The following COL27A1 variants were observed in gnomAD, a reference collection of about 807,000 sequenced individuals.
COL27A1 encodes the protein collagen alpha-1(XXVII) chain.
Under a neutral mutation model 251.3 loss-of-function variants are expected in COL27A1, and 106 were observed. The ratio of observed to expected loss-of-function variants is 0.42; its 90% confidence interval spans 0.36 to 0.50. The LOEUF (loss-of-function observed/expected upper bound fraction) is 0.50, where lower values mean the gene tolerates loss of function less well. Among genes scored for constraint, COL27A1 ranks in the 20% least tolerant of loss-of-function variants. COL27A1 has a pLI of 0.00. For synonymous variants in COL27A1, 1,000 were observed against 986.3 expected (o/e 1.01, Z -0.26); for missense variants, 2,325 against 2,522.8 (o/e 0.92, Z 1.68).
At chr9:114,263,664 G>C (rs1834516542) in intron 28 of COL27A1, among the ~76,000 whole-genome samples, 1 of 152,102 alleles carries the variant, frequency 6.6e-6, no homozygotes, top group Non-Finnish European at 1.5e-5. Flanking sequence ...GGGGATGGGG[G>C]TGGACTCCAC....
intron 12 of COL27A1, chr9:114,218,092 G>T: frequency 3.3e-6 from 1 of 299,422 alleles, no homozygotes; most frequent in South Asian, 3.0e-5. Context: ...GGATGACAGA[G>T]TGAGACCCTG....
intron 40 of COL27A1, 55 bp from the exon 41 acceptor site, chr9:114,284,669 C>G (rs1046119878): frequency 2.6e-5 from 41 of 1,583,488 alleles, no homozygotes; most frequent in Non-Finnish European, 3.3e-5. Flanking sequence ...GAGTCCATGT[C>G]CTTTGTCCTT....
chr9:114,205,256 G>A, intron 8 of COL27A1, 110 bp downstream of exon 8: 1 of 1,042,132 alleles, frequency 9.6e-7, no homozygotes, highest in Non-Finnish European at 1.4e-6. Flanking sequence ...CCAGAGCCAG[G>A]CTGTTTTGCC....
At chr9:114,301,188 C>T (rs1381507757) in intron 52 of COL27A1, 63 bp downstream of exon 52, 1 of 1,610,482 alleles carries the variant, frequency 6.2e-7, no homozygotes, top group African/African-American at 1.3e-5. Context: ...TCCAGATTGT[C>T]TCTGTGACTC....
At chr9:114,259,836 C>T (rs1054725878) in intron 28 of COL27A1, among the ~76,000 whole-genome samples, 23 of 152,284 alleles carry the variant, frequency 1.5e-4, no homozygotes, top group South Asian at 2.1e-4. Context: ...AAGCTCCATA[C>T]GGGGGGATCT....
intron 1 of COL27A1, among the ~76,000 whole-genome samples, 166 bp downstream of exon 1, chr9:114,156,178 C>T (rs1403420408): frequency 1.3e-5 from 2 of 151,912 alleles, no homozygotes; most frequent in Non-Finnish European, 2.9e-5. Flanking sequence ...GGCTGCGCCC[C>T]CGGCCGGGCG....
intron 15 of COL27A1, 50 bp downstream of exon 15, chr9:114,231,182 C>A (rs775615178): frequency 6.4e-7 from 1 of 1,555,296 alleles, no homozygotes; most frequent in Non-Finnish European, 8.9e-7. Context: ...GCTGGGCACC[C>A]CCGACCCATT....
At chr9:114,235,679 C>T (rs749511653) in intron 17 of COL27A1, 27 bp downstream of exon 17, 1 of 1,514,040 alleles carries the variant, frequency 6.6e-7, no homozygotes, top group Non-Finnish European at 9.2e-7. Context: ...TTCCCCTCCC[C>T]CTGCCCCTGC....
chr9:114,188,956 T>A (rs1378480038), intron 5 of COL27A1, among the ~76,000 whole-genome samples: 1 of 152,192 alleles, frequency 6.6e-6, no homozygotes, highest in African/African-American at 2.4e-5. Context: ...TTATTAAGGC[T>A]TCATCCACCT....
intron 12 of COL27A1, among the ~76,000 whole-genome samples, chr9:114,212,520 A>T (rs1266503932): frequency 6.6e-6 from 1 of 152,224 alleles, no homozygotes; most frequent in East Asian, 1.9e-4. Flanking sequence ...GGTAGTGCTG[A>T]ATCTAAGAGA....
At chr9:114,263,809 C>T (rs1463545136) in intron 28 of COL27A1, among the ~76,000 whole-genome samples, 3 of 152,186 alleles carry the variant, frequency 2.0e-5, no homozygotes, top group Admixed American at 2.0e-4. Context: ...CTGCCCCCAC[C>T]TCATGGGCTC....
intron 2 of COL27A1, among the ~76,000 whole-genome samples, chr9:114,166,177 A>G (rs571867900): frequency 1.7e-4 from 25 of 149,250 alleles, no homozygotes; most frequent in Admixed American, 4.0e-4. Flanking sequence ...TCACCTGCCC[A>G]TTTATCCATC....
intron 2 of COL27A1, among the ~76,000 whole-genome samples, chr9:114,163,403 T>TAAAAA (rs778377725): frequency 7.1e-6 from 1 of 140,708 alleles, no homozygotes; most frequent in Non-Finnish European, 1.5e-5. Flanking sequence ...TAAGAACTGC[T>TAAAAA]AAAAAAAAAA....
intron 49 of COL27A1, among the ~76,000 whole-genome samples, chr9:114,293,033 A>G (rs1441578323): frequency 6.6e-6 from 1 of 152,244 alleles, no homozygotes; most frequent in East Asian, 1.9e-4. Context: ...CCTAATGGGT[A>G]GAACAGAAGC....
At chr9:114,192,552 G>A (rs1228222968) in intron 5 of COL27A1, among the ~76,000 whole-genome samples, 1 of 152,152 alleles carries the variant, frequency 6.6e-6, no homozygotes, top group African/African-American at 2.4e-5. Flanking sequence ...GATGGGGAGT[G>A]TGGGAGAAGC....
At chr9:114,277,331 A>G (rs537628709) in intron 37 of COL27A1, among the ~76,000 whole-genome samples, 1 of 152,218 alleles carries the variant, frequency 6.6e-6, no homozygotes, top group South Asian at 2.1e-4. Flanking sequence ...CCAGGTGGTG[A>G]GAACTCATGC....
At position 114,311,312 on chromosome 9, in the gene COL27A1, T is replaced by C. The variant is rs1170680628; in HGVS notation, c.*617T>C. ...ACTGTGAAATCGCTGGTGCTCACAA[T>C]TGTCTCTCACAGTGTATGTGATTTT... On this transcript the variant is annotated 3_prime_UTR_variant, in exon 61 of 61. Coordinates refer to ENST00000356083, the MANE Select transcript of COL27A1 (RefSeq NM_032888.4). 6.6e-6 allele frequency: 1 copy of C among 150,528 alleles called. No individual in the cohort carries two copies. The highest frequency in any genetic ancestry group is 1.5e-5 in the Non-Finnish European group (1 of 67,796). 9.3% of individuals were successfully genotyped at this position (150,528 alleles called of 1,614,324 possible).
At chr9:114,169,705 G>A (rs1469658125) in intron 3 of COL27A1, among the ~76,000 whole-genome samples, 1 of 152,234 alleles carries the variant, frequency 6.6e-6, no homozygotes, top group Non-Finnish European at 1.5e-5. Context: ...GCTACCCCCA[G>A]GTGAAGAGCA....
chr9:114,185,805 C>G (rs1272647960), intron 5 of COL27A1, among the ~76,000 whole-genome samples: 1 of 152,248 alleles, frequency 6.6e-6, no homozygotes, highest in African/African-American at 2.4e-5. Flanking sequence ...CAGGGCTTGC[C>G]CTGGGGGCAC....
Sources: allele counts gnomAD v4.1 joint callset (sites outside exome capture counted in the v4.1 genomes callset), GRCh38; gene constraint gnomAD v4.1.1; transcripts MANE v1.5; gene names NCBI Gene and HGNC (gene_info 2026-07-23, HGNC 2026-07-21).